Variants in CHRDL2 observed in about 807,000 individuals in gnomAD.
The protein encoded by CHRDL2 is chordin like 2, also known as chordin-like protein 2.
In CHRDL2, 41 loss-of-function variants were observed where a neutral mutation model predicts 54.3. The ratio of observed to expected loss-of-function variants is 0.76; its 90% CI spans 0.59 to 0.98. The LOEUF (loss-of-function observed/expected upper bound fraction) is 0.98, where lower values mean the gene tolerates loss of function less well. Ranked by LOEUF, CHRDL2 falls within the 50% of genes least tolerant of loss-of-function variation. CHRDL2 has a pLI of 0.00. For missense variants in CHRDL2, 518 were observed against 562.4 expected (o/e 0.92, Z 0.80); for synonymous variants, 220 against 224.3 (o/e 0.98, Z 0.17).
In CHRDL2 at chr11:74,702,791, C is replaced by T; in HGVS notation, c.1120+3G>A. On this transcript the variant is annotated splice_donor_region_variant and intron_variant, in intron 9 of 10. Transcript: ENST00000376332. ...ACCCCACTGGGAGTGGGCCAGCACT[C>T]ACCTTTTACCAGCTTCCAGAGGTAG... 1 of 1,614,034 alleles carries T rather than the reference C, an allele frequency of 6.2e-7. No individual in the cohort carries two copies. Among genetic ancestry groups the T allele is most frequent in the Non-Finnish European group, 8.5e-7 (1 of 1,179,986 alleles).
intron 1 of CHRDL2, among the ~76,000 whole-genome samples, chr11:74,723,248 A>T (rs1438210465): frequency 6.6e-6 from 1 of 152,192 alleles, no homozygotes; most frequent in Non-Finnish European, 1.5e-5. Flanking sequence ...GTCAGGATTG[A>T]GGTTTCGGGA....
At position 74,697,242 on chromosome 11, in the gene CHRDL2, C is replaced by G. The variant is rs1302895694; in HGVS notation, c.1176G>C (p.Glu392Asp). 2 of 1,614,082 alleles carry G rather than the reference C, an allele frequency of 1.2e-6. No homozygotes were observed. The highest frequency in any genetic ancestry group is 2.2e-5 in the South Asian group (2 of 91,080). The change falls in exon 10 of 11, where the codon GAG becomes GAC. Residue 392 changes from glutamate (E) to aspartate (D), a missense_variant. Physicochemically the swap from Glu to Asp is conservative, Grantham distance 45. Transcript: ENST00000376332. ...CAGCGAGCAGTCGGAAGTGCTGTGC[C>G]TCTTTCTGGAAGTCTTGCTTCCTGA... Reference protein sequence around the residue: ...KKVRKQDFQKEAQHFRLLAGP... With the variant: ...KKVRKQDFQKDAQHFRLLAGP...
At chr11:74,701,788 C>T (rs1288840752) in intron 9 of CHRDL2, 3 of 550,792 alleles carry the variant, frequency 5.4e-6, no homozygotes, top group South Asian at 4.9e-5. Context: ...ATCATCATTC[C>T]CTCTTCCACC....
At chr11:74,727,125 A>T (rs2034584984) in intron 1 of CHRDL2, among the ~76,000 whole-genome samples, 2 of 152,190 alleles carry the variant, frequency 1.3e-5, no homozygotes, top group South Asian at 4.1e-4. Flanking sequence ...TTAAAACTAG[A>T]ATGGTCCTCA....
intron 2 of CHRDL2, among the ~76,000 whole-genome samples, chr11:74,717,628 G>T (rs535947809): frequency 2.0e-5 from 3 of 152,220 alleles, no homozygotes; most frequent in Admixed American, 2.0e-4. Context: ...AAGTCAGGAG[G>T]GGGGCTAGCC....
intron 7 of CHRDL2, 46 bp from the exon 8 acceptor site, chr11:74,703,545 T>C: frequency 6.8e-7 from 1 of 1,480,242 alleles, no homozygotes; most frequent in Non-Finnish European, 9.1e-7. Flanking sequence ...GCCTCAGACC[T>C]GGCCAGGGCC....
At chr11:74,726,365 C>T (rs1208497244) in intron 1 of CHRDL2, among the ~76,000 whole-genome samples, 2 of 152,146 alleles carry the variant, frequency 1.3e-5, no homozygotes, top group East Asian at 1.9e-4. Context: ...TGCCAGTCGT[C>T]AGATGTGGAG....
chr11:74,726,768 G>A (rs2135279791), intron 1 of CHRDL2, among the ~76,000 whole-genome samples: 1 of 152,284 alleles, frequency 6.6e-6, no homozygotes, highest in East Asian at 1.9e-4. Context: ...TGGTGGGAGA[G>A]GAGAGGTGCA....
chr11:74,701,031 C>T (rs937703877), intron 9 of CHRDL2: 1 of 152,082 alleles, frequency 6.6e-6, no homozygotes, highest in African/African-American at 2.4e-5. Flanking sequence ...TTGCACGCTT[C>T]TCGTAAGTGG....
chr11:74,720,507 T>C (rs11236229), intron 1 of CHRDL2, among the ~76,000 whole-genome samples: 23,753 of 151,978 alleles, frequency 0.16, 2,360 homozygotes, highest in African/African-American at 0.28. Flanking sequence ...AAAGGCCTTC[T>C]TCTCTCTCTG....
chr11:74,706,688 C>A, intron 5 of CHRDL2, 146 bp from the exon 6 acceptor site: 1 of 692,126 alleles, frequency 1.4e-6, no homozygotes, highest in East Asian at 2.6e-5. Context: ...CTCCTTTGCC[C>A]CAGTGGGGAC....
intron 1 of CHRDL2, among the ~76,000 whole-genome samples, chr11:74,721,238 C>T (rs969097480): frequency 6.9e-6 from 1 of 144,736 alleles, no homozygotes; most frequent in Non-Finnish European, 1.6e-5. Flanking sequence ...CAGTCCCCTC[C>T]TCCCACCAGG....
Position 74,706,530 on chromosome 11 carries a change from T to C in CHRDL2, c.539A>G (p.Glu180Gly), listed in dbSNP as rs531469850. ...CCQACKDEAS[E>G]QSDEEDSVQS... ...CACACTGTCCTCTTCATCCGATTGC[T>C]CACTTGCCTCATCTGAAAACTCAAA... Residue 180 changes from glutamate (E) to glycine (G), a missense_variant, in exon 6 of 11, where the codon GAG becomes GGG. Coordinates refer to ENST00000376332, the MANE Select transcript of CHRDL2 (RefSeq NM_001278473.3). 6.2e-7 allele frequency: 1 copy of C among 1,614,018 alleles called. No homozygotes were observed. The highest frequency in any genetic ancestry group is 1.3e-5 in the African/African-American group (1 of 75,008).
intron 2 of CHRDL2, among the ~76,000 whole-genome samples, chr11:74,717,843 T>G (rs540314324): frequency 4.6e-5 from 7 of 152,194 alleles, no homozygotes; most frequent in African/African-American, 1.7e-4. Context: ...CAAAGAAAGC[T>G]GGGGACATCC....
rs143560793 is a variant in CHRDL2 at position 74,703,815 on chromosome 11, G to A, written c.752-316C>T. Among the ~76,000 whole-genome samples, 430 of 152,338 alleles carry A rather than the reference G, an allele frequency of 2.8e-3. 3 individuals carry two copies. The highest frequency in any genetic ancestry group is 9.9e-3 in the African/African-American group (410 of 41,572). On this transcript the variant is annotated intron_variant, in intron 7 of 10. Coordinates refer to ENST00000376332, the MANE Select transcript of CHRDL2 (RefSeq NM_001278473.3). ...GGTAGGAGAACTGAGGTCAACTTTCGTCATCACCTGGTCATGTGAGCCCTG... is the reference window on the plus strand; with the variant it reads ...GGTAGGAGAACTGAGGTCAACTTTCATCATCACCTGGTCATGTGAGCCCTG...
intron 9 of CHRDL2, chr11:74,699,805 A>T (rs1010550797): frequency 6.6e-6 from 1 of 152,216 alleles, no homozygotes; most frequent in South Asian, 2.1e-4. Flanking sequence ...CTGACAATCA[A>T]CCCTGGGTAG....
intron 1 of CHRDL2, among the ~76,000 whole-genome samples, chr11:74,719,986 G>A (rs2135272854): frequency 6.6e-6 from 1 of 152,242 alleles, no homozygotes; most frequent in South Asian, 2.1e-4. Context: ...CGCCAGCAGG[G>A]AAAAACACTC....
rs149413154 is a variant in CHRDL2, at chr11:74,702,953, G to A, written c.961C>T (p.Pro321Ser). The stretch of plus-strand genomic sequence containing the variant: ...GTAGAACTGATCTCACTGTGGCCAG[G>A]GTCTGCTTTGTCCTCTGGAGAGACA... ...CKICPEDKAD[P>S]GHSEISSTRC... Residue 321 changes from proline to serine, a missense_variant, in exon 9 of 11, where the codon CCT (proline) becomes TCT (serine). By Grantham distance (74) the Pro-to-Ser change is moderately conservative. Coordinates refer to ENST00000376332, the MANE Select transcript of CHRDL2 (RefSeq NM_001278473.3). The A allele has an allele frequency of 5.6e-6, 9 of 1,612,696 alleles. No individual in the cohort carries two copies. The highest frequency in any genetic ancestry group is 6.8e-6 in the Non-Finnish European group (8 of 1,179,216).
chr11:74,728,913 T>G (rs1037649966), intron 1 of CHRDL2, among the ~76,000 whole-genome samples: 2 of 152,178 alleles, frequency 1.3e-5, no homozygotes, highest in Non-Finnish European at 2.9e-5. Flanking sequence ...GAGATCTGTA[T>G]TTACAAGGCT....
Sources: gnomAD v4.1 joint callset for allele counts (sites outside exome capture counted in the v4.1 genomes callset) on GRCh38, gnomAD v4.1.1 for gene constraint, MANE v1.5 for transcripts, NCBI Gene and HGNC (gene_info 2026-07-23, HGNC 2026-07-21) for gene names.